The following HHIPL1 variants were observed in gnomAD, a reference collection of about 807,000 sequenced individuals.
HHIPL1 encodes the protein HHIP-like protein 1.
In HHIPL1, 43 loss-of-function variants were observed where a neutral mutation model predicts 61.8. The ratio of observed to expected loss-of-function variants is 0.70; its 90% CI spans 0.55 to 0.90. HHIPL1 has a LOEUF of 0.90. HHIPL1 is among the 40% of genes least tolerant of loss of function. The pLI is 0.00. For missense variants in HHIPL1, 1,056 were observed against 1,157.7 expected, an observed-to-expected ratio of 0.91 and a Z score of 1.28; for synonymous variants, 482 against 515.8, an observed-to-expected ratio of 0.93 and a Z score of 0.89.
the HHIPL1 span, among the ~76,000 whole-genome samples, chr14:99,636,848 A>G: frequency 6.6e-6 from 1 of 151,252 alleles, no homozygotes; most frequent in African/African-American, 2.4e-5. Flanking sequence ...TTAGCCGGGC[A>G]TGGAAGTGCA....
chr14:99,654,278 A>G (rs1178895519), intron 2 of HHIPL1, among the ~76,000 whole-genome samples: 1 of 152,018 alleles, frequency 6.6e-6, no homozygotes, highest in African/African-American at 2.4e-5. Context: ...AGCTGCCTCT[A>G]CCCCTTGGGC....
intron 2 of HHIPL1, among the ~76,000 whole-genome samples, chr14:99,655,544 A>T (rs2056014156): frequency 6.6e-6 from 1 of 152,146 alleles, no homozygotes. Flanking sequence ...AGATCCCTTG[A>T]TCCCAGGAGT....
In HHIPL1 at chr14:99,675,468, G is replaced by C. The variant is rs1311008572; in HGVS notation, c.2191G>C (p.Gly731Arg). The change falls in exon 9 of 9, where the codon GGC becomes CGC. Residue 731 changes from glycine to arginine, a missense_variant. Physicochemically the swap from Gly to Arg is moderately radical, Grantham distance 125. Transcript: ENST00000330710. The surrounding 1 kb of genome is among the most constrained non-coding windows in gnomAD (Gnocchi z 5.4). ...GCGCGCCGTCAAGAGAGCCGAGTTC[G>C]GCCAGGGCGGCTCGCTGCCCATTCT... ...AVRAVKRAEF[G>R]QGGSLPILLD... is the part of the protein sequence containing the mutation. 1.3e-6 allele frequency: 2 copies of C among 1,540,744 alleles called. No individual in the cohort carries two copies. Among genetic ancestry groups the C allele is most frequent in the African/African-American group, 1.4e-5 (1 of 72,938 alleles).
chr14:99,629,244 G>C, the HHIPL1 span, among the ~76,000 whole-genome samples: 2 of 152,220 alleles, frequency 1.3e-5, no homozygotes, highest in African/African-American at 2.4e-5. Context: ...TCATCAGGCT[G>C]CTGGACAGCC....
chr14:99,660,132 AGCCCTGCTGTGGGC>A lies in HHIPL1; in HGVS notation c.1376-147_1376-134del. On this transcript the variant is annotated intron_variant, in intron 4 of 8. Coordinates refer to ENST00000330710, the MANE Select transcript of HHIPL1 (RefSeq NM_001127258.3). This position sits in a 1 kb window ranked among gnomAD's most constrained non-coding sequence, Gnocchi z 4.9. ...CTGCAGACACGCTTTCCACCACGCC[AGCCCTGCTGTGGGC>A]ACGCCAGCCCTGCTGTGGGCACGCC... is the stretch of plus-strand genomic sequence containing the variant. 2 of 649,250 alleles carry A rather than the reference AGCCCTGCTGTGGGC, an allele frequency of 3.1e-6. No homozygotes were observed. Among genetic ancestry groups the A allele is most frequent in the Non-Finnish European group, 4.5e-6 (2 of 441,964 alleles). The allele number at this position is 649,250 out of a possible 1,614,324, so 40.2% of individuals were successfully genotyped here. A position where few individuals can be genotyped will look rare whatever the true frequency, so the allele number is the denominator to read the frequency against.
At chr14:99,673,830 GA>G (rs1314853439) in intron 8 of HHIPL1, among the ~76,000 whole-genome samples, 9 of 91,606 alleles carry the variant, frequency 9.8e-5, no homozygotes, top group South Asian at 5.3e-4. Flanking sequence ...GGGCGGCATG[GA>G]GGGGGGGTGC....
chr14:99,611,847 C>T, the HHIPL1 span, among the ~76,000 whole-genome samples: 3 of 151,946 alleles, frequency 2.0e-5, no homozygotes, highest in African/African-American at 7.3e-5. Flanking sequence ...CAGAGAATGT[C>T]AGGGTCACAC....
the HHIPL1 span, among the ~76,000 whole-genome samples, chr14:99,618,282 C>T: frequency 6.6e-6 from 1 of 152,190 alleles, no homozygotes; most frequent in Non-Finnish European, 1.5e-5. Flanking sequence ...TCCTGGAAGC[C>T]TATGGGAGAG....
chr14:99,631,255 C>A, the HHIPL1 span, among the ~76,000 whole-genome samples: 1 of 151,888 alleles, frequency 6.6e-6, no homozygotes, highest in Non-Finnish European at 1.5e-5. Context: ...TGCCACCATA[C>A]CCGGCTAAGT....
At chr14:99,623,214 T>C in the HHIPL1 span, among the ~76,000 whole-genome samples, 1 of 152,202 alleles carries the variant, frequency 6.6e-6, no homozygotes, top group Non-Finnish European at 1.5e-5. Context: ...TGTGATTTAA[T>C]AGGGGTGTAA....
In HHIPL1 at chr14:99,652,308, T is replaced by A; in HGVS notation, c.340T>A (p.Tyr114Asn). 6.2e-7 allele frequency: 1 copy of A among 1,614,124 alleles called. No homozygotes were observed. The highest frequency in any genetic ancestry group is 8.5e-7 in the Non-Finnish European group (1 of 1,180,030). The change falls in exon 2 of 9, where the codon TAC (tyrosine) becomes AAC (asparagine). Residue 114 changes from tyrosine to asparagine, a missense_variant. Transcript: ENST00000330710. ...CACGGTGCCCGGGCTCTGCCAGGAT[T>A]ACTGCCTGGACATGTGGCATAAGTG... Reference protein sequence around the residue: ...LRTVPGLCQDYCLDMWHKCRG... With the variant: ...LRTVPGLCQDNCLDMWHKCRG...
chr14:99,641,971 G>A (rs1468762763), upstream of HHIPL1, among the ~76,000 whole-genome samples: 9 of 150,764 alleles, frequency 6.0e-5, no homozygotes, highest in African/African-American at 9.8e-5. Flanking sequence ...ACAGAGTCTC[G>A]CTCTGTGGCC....
At chr14:99,674,060 C>T (rs1474127318) in intron 8 of HHIPL1, among the ~76,000 whole-genome samples, 3 of 151,800 alleles carry the variant, frequency 2.0e-5, no homozygotes, top group Admixed American at 1.3e-4. Context: ...GGACAGGGAG[C>T]GCCTTGCCCA....
Position 99,676,847 on chromosome 14 carries a change from C to T in HHIPL1, c.*1221C>T, listed in dbSNP as rs1276542850. ...CAGAGGGGCACTTAGTATGACTGCG[C>T]TCAGCCTCGGATGGGAGCACGGGTG... is the stretch of plus-strand genomic sequence containing the variant. On this transcript the variant is annotated 3_prime_UTR_variant, in exon 9 of 9. Transcript: ENST00000330710. The T allele has an allele frequency of 7.7e-6, 1 of 129,296 alleles. No homozygotes were observed. 8.0% of individuals were successfully genotyped at this position (129,296 alleles called of 1,614,324 possible). A position where few individuals can be genotyped will look rare whatever the true frequency, so the allele number is the denominator to read the frequency against.
At chr14:99,621,614 A>G in the HHIPL1 span, among the ~76,000 whole-genome samples, 2 of 151,818 alleles carry the variant, frequency 1.3e-5, no homozygotes, top group Non-Finnish European at 2.9e-5. Flanking sequence ...GGACCCACTG[A>G]TCACAGATGT....
the HHIPL1 span, among the ~76,000 whole-genome samples, chr14:99,623,062 G>A: frequency 6.6e-6 from 1 of 152,210 alleles, no homozygotes; most frequent in African/African-American, 2.4e-5. Flanking sequence ...CTGCAGAGAC[G>A]CGTGTGCTGA....
chr14:99,644,721 C>T (rs1048221100), upstream of HHIPL1, among the ~76,000 whole-genome samples: 2 of 152,148 alleles, frequency 1.3e-5, no homozygotes, highest in African/African-American at 4.8e-5. Flanking sequence ...TTTCACTTCT[C>T]CCTGAGAGTC....
chr14:99,665,075 C>T (rs1041546534), intron 6 of HHIPL1, among the ~76,000 whole-genome samples: 1 of 152,012 alleles, frequency 6.6e-6, no homozygotes, highest in African/African-American at 2.4e-5. Flanking sequence ...TGGTGCGTGC[C>T]GCCACACCCG....
At chr14:99,640,655 G>A (rs1399453593), upstream of HHIPL1, among the ~76,000 whole-genome samples, 2 of 152,032 alleles carry the variant, frequency 1.3e-5, no homozygotes, top group African/African-American at 4.8e-5. Flanking sequence ...ATACTACAGA[G>A]GAAATACATT....
Sources: allele counts gnomAD v4.1 joint callset (sites outside exome capture counted in the v4.1 genomes callset), GRCh38; gene constraint gnomAD v4.1.1; non-coding constraint Gnocchi (gnomAD v3.1); transcripts MANE v1.5; gene names NCBI Gene and HGNC (gene_info 2026-07-23, HGNC 2026-07-21).